Variants in LIPA observed in about 807,000 individuals in gnomAD.
LIPA encodes the protein lysosomal acid lipase/cholesteryl ester hydrolase.
Under a neutral mutation model 40.6 loss-of-function variants are expected in LIPA, and 26 were observed. That is an observed-to-expected ratio of 0.64 (90% CI 0.47 to 0.89). LIPA has a LOEUF of 0.89. Among genes scored for constraint, LIPA ranks in the 40% least tolerant of loss-of-function variants. The pLI, the probability that LIPA is intolerant of heterozygous loss-of-function variation, is 0.00. For missense variants in LIPA, 455 were observed against 479.6 expected (o/e 0.95, Z 0.48); for synonymous variants, 188 against 168.4 (o/e 1.12, Z -0.90).
At chr10:89,279,462 G>T (rs1843304871) in intron 1 of LIPA, among the ~76,000 whole-genome samples, 2 of 152,324 alleles carry the variant, frequency 1.3e-5, no homozygotes, top group East Asian at 1.9e-4. Flanking sequence ...CCAGGTGGCA[G>T]AATATAGGGA....
At chr10:89,339,834 T>C (rs1281166058) in intron 1 of LIPA, 2 of 1,614,160 alleles carry the variant, frequency 1.2e-6, no homozygotes, top group Non-Finnish European at 1.7e-6. Flanking sequence ...AAAAATCAAC[T>C]GACAAGGAAG....
intron 7 of LIPA, 127 bp downstream of exon 7, chr10:89,223,557 T>C (rs1374236282): frequency 1.2e-6 from 1 of 829,130 alleles, no homozygotes; most frequent in Non-Finnish European, 2.0e-6. Context: ...TTCATGCTTG[T>C]GCCTCTCAAA....
At position 89,383,376 on chromosome 10, in the gene LIPA, T is replaced by G. The variant is rs1018832402; in HGVS notation, c.61+29415A>C. 6.2e-7 allele frequency: 1 copy of G among 1,614,120 alleles called. No homozygotes were observed. The highest frequency in any genetic ancestry group is 8.5e-7 in the Non-Finnish European group (1 of 1,180,036). ...GCCTGATTCAGCTGAGATGTCACTT[T>G]ACATGGAAGTTGTTAATTGAAGCCC... On this transcript the variant is annotated intron_variant, in intron 2 of 8. Coordinates refer to the LIPA transcript ENST00000371837.
rs143689905 is a variant in LIPA, at chr10:89,217,114, C to A, written c.895-1105G>T. 2.8e-3 allele frequency among the ~76,000 whole-genome samples: 420 copies of A among 152,274 alleles called. 1 individual carries two copies. The highest frequency in any genetic ancestry group is 9.2e-3 in the African/African-American group (383 of 41,548). On this transcript the variant is annotated intron_variant, in intron 8 of 9. Coordinates refer to ENST00000336233, the MANE Select transcript of LIPA (RefSeq NM_000235.4). ...AATTAAATGTATGTCAAAAATTAAA[C>A]ACAAAATTGGCAAGCCAAATGAATT...
rs556019305 is a variant in LIPA at position 89,263,223 on chromosome 10, G to A, written c.-1-15574C>T. On this transcript the variant is annotated intron_variant, in intron 1 of 5. Transcript: ENST00000282673. ...GCCTATTGGGCCATGAATAGATCCT[G>A]AATTTCTGCTGGATGACAACAGGTT... is the stretch of plus-strand genomic sequence containing the variant. Among the ~76,000 whole-genome samples, 11 of 152,310 alleles carry A rather than the reference G, an allele frequency of 7.2e-5. 1 individual carries two copies. The East Asian group carries it at 1.7e-3, about 24-fold the overall frequency.
chr10:89,329,840 G>C (rs1027850915), intron 1 of LIPA, among the ~76,000 whole-genome samples: 3 of 152,136 alleles, frequency 2.0e-5, no homozygotes, highest in Non-Finnish European at 4.4e-5. Flanking sequence ...TTTCACCTGG[G>C]TGCAGGTGGG....
intron 2 of LIPA, among the ~76,000 whole-genome samples, chr10:89,375,852 A>T (rs914191689): frequency 6.6e-6 from 1 of 152,136 alleles, no homozygotes; most frequent in East Asian, 1.9e-4. Context: ...TGGTGGGTTT[A>T]TGGAAGAATA....
exon 1 of LIPA, chr10:89,414,483 C>T: frequency 2.8e-6 from 1 of 359,112 alleles, no homozygotes; most frequent in Non-Finnish European, 5.0e-6. Flanking sequence ...CCCTGGACTC[C>T]GCAAACGTCT....
At position 89,384,365 on chromosome 10, in the gene LIPA, C is replaced by T. The variant is rs547679504; in HGVS notation, c.61+28426G>A. ...TATGTTGACCTGGCTGAAACGTATGCAGAAATAGGCCACCACAGAAAGGCT... is the reference window on the plus strand; with the variant it reads ...TATGTTGACCTGGCTGAAACGTATGTAGAAATAGGCCACCACAGAAAGGCT... On this transcript the variant is annotated intron_variant, in intron 2 of 8. Transcript: ENST00000371837. The T allele has an allele frequency of 1.3e-5, 21 of 1,614,068 alleles. No homozygotes were observed. The East Asian group carries it at 4.0e-4, about 31-fold the overall frequency.
chr10:89,222,406 C>T lies in LIPA; in HGVS notation c.894+105G>A, dbSNP rs1589553008. On this transcript the variant is annotated intron_variant, in intron 8 of 9. Transcript: ENST00000336233. ...AGGACTCTGGGGAAGAAAACCAGAT[C>T]AGATTTGTAAGCAGGTTGTCTTTCT... 6.1e-5 allele frequency: 48 copies of T among 790,408 alleles called. No individual in the cohort carries two copies. In the South Asian group the frequency reaches 6.5e-4, roughly 11 times the overall value. The allele number at this position is 790,408 out of a possible 1,614,324, so 49.0% of individuals were successfully genotyped here.
intron 2 of LIPA, among the ~76,000 whole-genome samples, chr10:89,390,485 A>G (rs1844238265): frequency 6.6e-6 from 1 of 152,198 alleles, no homozygotes; most frequent in South Asian, 2.1e-4. Flanking sequence ...GCAGTTTATC[A>G]TAACTGGTCA....
At chr10:89,373,414 A>G (rs545831407) in intron 2 of LIPA, among the ~76,000 whole-genome samples, 2 of 151,808 alleles carry the variant, frequency 1.3e-5, no homozygotes, top group East Asian at 1.9e-4. Context: ...AAAGATAGCC[A>G]TCAAGACCCC....
chr10:89,283,407 A>G (rs929127080), intron 1 of LIPA, among the ~76,000 whole-genome samples: 3 of 152,168 alleles, frequency 2.0e-5, no homozygotes, highest in Non-Finnish European at 4.4e-5. Flanking sequence ...AAACTCTACT[A>G]AATTTAATTT....
intron 2 of LIPA, among the ~76,000 whole-genome samples, chr10:89,376,570 A>G (rs1844123518): frequency 6.6e-6 from 1 of 152,222 alleles, no homozygotes; most frequent in South Asian, 2.1e-4. Flanking sequence ...TGAGAGCATC[A>G]TTAACACCTG....
intron 2 of LIPA, among the ~76,000 whole-genome samples, chr10:89,400,096 GT>G (rs1281527185): frequency 6.6e-6 from 1 of 152,114 alleles, no homozygotes; most frequent in African/African-American, 2.4e-5. Flanking sequence ...ATAAGTAAGG[GT>G]TTTTTTCAGG....
chr10:89,264,226 G>A (rs1843224116), intron 1 of LIPA, among the ~76,000 whole-genome samples: 1 of 152,204 alleles, frequency 6.6e-6, no homozygotes, highest in Non-Finnish European at 1.5e-5. Flanking sequence ...CCATTCAGGG[G>A]GTCCTGAGTT....
At chr10:89,285,375 T>G (rs1843335899) in intron 1 of LIPA, 1 of 152,266 alleles carries the variant, frequency 6.6e-6, no homozygotes, top group Non-Finnish European at 1.5e-5. Flanking sequence ...TTAATTTCAA[T>G]TCCTTTCCTT....
intron 1 of LIPA, among the ~76,000 whole-genome samples, chr10:89,286,551 C>T (rs1050171079): frequency 1.3e-4 from 20 of 152,282 alleles, no homozygotes; most frequent in African/African-American, 4.3e-4. Context: ...CTTTATCCAA[C>T]CTCTCCCAAA....
intron 1 of LIPA, among the ~76,000 whole-genome samples, chr10:89,324,060 C>T (rs1046057884): frequency 1.3e-5 from 2 of 152,160 alleles, no homozygotes; most frequent in African/African-American, 4.8e-5. Context: ...TAGCATGGTA[C>T]TGGTACAAAA....
Sources: gnomAD v4.1 joint callset for allele counts (sites outside exome capture counted in the v4.1 genomes callset) on GRCh38, gnomAD v4.1.1 for gene constraint, MANE v1.5 for transcripts, NCBI Gene and HGNC (gene_info 2026-07-23, HGNC 2026-07-21) for gene names.